Variants in RBFOX1 observed in about 807,000 individuals in gnomAD.
The protein encoded by RBFOX1 is RNA binding protein fox-1 homolog 1.
Under a neutral mutation model 57.7 loss-of-function variants are expected in RBFOX1, and 8 were observed. That is an observed-to-expected ratio of 0.14 (90% CI 0.08 to 0.25). The LOEUF (loss-of-function observed/expected upper bound fraction) is 0.25. RBFOX1 is among the 10% of genes least tolerant of loss of function. The pLI is 1.00. For synonymous variants in RBFOX1, 326 were observed against 222.4 expected, an observed-to-expected ratio of 1.47 and a Z score of -4.15; for missense variants, 611 against 548.5, an observed-to-expected ratio of 1.11 and a Z score of -1.14.
In RBFOX1 at chr16:7,450,892, T is replaced by G. The variant is rs186440328; in HGVS notation, c.28-67255T>G. ...TGAGAGGGTAGGAGAATGGTGAGTT[T>G]CAGGGCATGCATCCACAGCGTAGGT... On this transcript the variant is annotated intron_variant, in intron 4 of 15. Coordinates refer to ENST00000550418, the MANE Select transcript of RBFOX1 (RefSeq NM_018723.4). 4.6e-5 allele frequency among the ~76,000 whole-genome samples: 7 copies of G among 152,214 alleles called. No individual in the cohort carries two copies. The East Asian group carries it at 1.2e-3, about 25-fold the overall frequency.
In RBFOX1 at chr16:7,007,093, G is replaced by T. The variant is rs142201684; in HGVS notation, c.-15-44964G>T. Among the ~76,000 whole-genome samples the T allele has an allele frequency of 6.1e-3, 922 of 152,304 alleles. 10 individuals are homozygous for T. Among genetic ancestry groups the T allele is most frequent in the African/African-American group, 0.021 (868 of 41,558 alleles). ...AGTTTTTCTCAACGCTGATGTCAAT[G>T]GTTGGCTGTATGGACTGATAAGGAG... is the stretch of plus-strand genomic sequence containing the variant. On this transcript the variant is annotated intron_variant, in intron 3 of 15. Coordinates refer to ENST00000550418, the MANE Select transcript of RBFOX1 (RefSeq NM_018723.4).
intron 4 of RBFOX1, among the ~76,000 whole-genome samples, chr16:7,220,312 A>G (rs2092627097): frequency 6.6e-6 from 1 of 152,188 alleles, no homozygotes. Flanking sequence ...CATCATGCTG[A>G]GTGAGATTCC....
At position 6,465,158 on chromosome 16, in the gene RBFOX1, G is replaced by A. The variant is rs79431291; in HGVS notation, c.-64+148101G>A. Among the ~76,000 whole-genome samples the A allele has an allele frequency of 1.9e-3, 282 of 152,290 alleles. 2 individuals carry two copies. The highest frequency in any genetic ancestry group is 6.1e-3 in the African/African-American group (255 of 41,562). On this transcript the variant is annotated intron_variant, in intron 2 of 15. Transcript: ENST00000550418. ...AATCTCCATTTTCTTGTTTCTGTGCGATCAGGTTTTTACCCATGCAAAGTG... is the reference window on the plus strand; with the variant it reads ...AATCTCCATTTTCTTGTTTCTGTGCAATCAGGTTTTTACCCATGCAAAGTG...
At chr16:6,553,974 AT>A (rs1464764412) in intron 2 of RBFOX1, among the ~76,000 whole-genome samples, 2 of 152,212 alleles carry the variant, frequency 1.3e-5, no homozygotes, top group African/African-American at 2.4e-5. Context: ...GGGTTTATTC[AT>A]TTTGGAAACC....
At chr16:7,209,973 A>T (rs1381049212) in intron 4 of RBFOX1, among the ~76,000 whole-genome samples, 1 of 152,094 alleles carries the variant, frequency 6.6e-6, no homozygotes, top group Admixed American at 6.5e-5. Flanking sequence ...CCATTGATTC[A>T]CCTGTGCTTA....
chr16:6,598,119 T>C (rs563839972), intron 2 of RBFOX1, among the ~76,000 whole-genome samples: 16 of 152,344 alleles, frequency 1.1e-4, no homozygotes, highest in Non-Finnish European at 2.2e-4. Flanking sequence ...CCTATACATA[T>C]ACCAATGTAT....
chr16:6,553,513 A>G (rs1402888226), intron 2 of RBFOX1, among the ~76,000 whole-genome samples: 1 of 152,228 alleles, frequency 6.6e-6, no homozygotes, highest in Non-Finnish European at 1.5e-5. Flanking sequence ...ACACAAGTAC[A>G]TGCACCTCAA....
intron 1 of RBFOX1, among the ~76,000 whole-genome samples, chr16:6,157,607 C>A (rs1035082963): frequency 1.3e-5 from 2 of 151,934 alleles, no homozygotes; most frequent in Non-Finnish European, 1.5e-5. Context: ...CTAACTTAAG[C>A]CAAAGAAGTT....
At chr16:7,694,022 T>A (rs938583953) in intron 14 of RBFOX1, among the ~76,000 whole-genome samples, 3 of 152,204 alleles carry the variant, frequency 2.0e-5, no homozygotes, top group Admixed American at 1.3e-4. Context: ...ATAACACCTG[T>A]CTTTTTTCTT....
chr16:6,521,560 C>A (rs1268990754), intron 2 of RBFOX1, among the ~76,000 whole-genome samples: 2 of 147,710 alleles, frequency 1.4e-5, no homozygotes, highest in East Asian at 3.9e-4. Context: ...TTCCCTCGCT[C>A]TCTTTGTCTT....
At chr16:5,488,950 G>A (rs1176867733) in intron 2 of RBFOX1, among the ~76,000 whole-genome samples, 2 of 152,226 alleles carry the variant, frequency 1.3e-5, no homozygotes, top group Non-Finnish European at 2.9e-5. Flanking sequence ...ATTCTGGTAA[G>A]CAGTTTAAAT....
intron 4 of RBFOX1, among the ~76,000 whole-genome samples, chr16:7,072,825 T>C (rs1005430385): frequency 6.6e-6 from 1 of 152,248 alleles, no homozygotes; most frequent in African/African-American, 2.4e-5. Context: ...CCAGTTTTAT[T>C]CCTGGGAGGA....
intron 3 of RBFOX1, among the ~76,000 whole-genome samples, chr16:6,923,924 A>G (rs889721946): frequency 6.6e-6 from 1 of 152,064 alleles, no homozygotes; most frequent in Non-Finnish European, 1.5e-5. Flanking sequence ...TAATCCCAGC[A>G]CTTTGGAGGC....
intron 3 of RBFOX1, among the ~76,000 whole-genome samples, chr16:5,841,394 CCTT>C (rs1337547220): frequency 6.6e-6 from 1 of 152,180 alleles, no homozygotes; most frequent in Non-Finnish European, 1.5e-5. Context: ...TATCCATCAA[CCTT>C]CTTCCTCTCT....
At chr16:7,515,022 C>T (rs1006928236) in intron 4 of RBFOX1, among the ~76,000 whole-genome samples, 2 of 152,096 alleles carry the variant, frequency 1.3e-5, no homozygotes, top group African/African-American at 4.8e-5. Context: ...ACAAGTCTAC[C>T]TTTCACTTCA....
chr16:7,226,286 C>T (rs2093114289), intron 4 of RBFOX1, among the ~76,000 whole-genome samples: 1 of 152,208 alleles, frequency 6.6e-6, no homozygotes, highest in Admixed American at 6.5e-5. Context: ...CTCTCATGAA[C>T]TACAAGCTAC....
chr16:6,742,302 T>C (rs911950511), intron 3 of RBFOX1, among the ~76,000 whole-genome samples: 1 of 152,162 alleles, frequency 6.6e-6, no homozygotes, highest in African/African-American at 2.4e-5. Flanking sequence ...ATACACATGT[T>C]AAACAGGTAA....
intron 2 of RBFOX1, among the ~76,000 whole-genome samples, chr16:6,506,374 A>C (rs1366062574): frequency 6.6e-6 from 1 of 152,068 alleles, no homozygotes; most frequent in East Asian, 1.9e-4. Context: ...AGTATTGAAA[A>C]CAGCTTGGGT....
At chr16:6,989,526 C>T (rs780728425) in intron 3 of RBFOX1, among the ~76,000 whole-genome samples, 19 of 151,996 alleles carry the variant, frequency 1.3e-4, no homozygotes, top group Non-Finnish European at 2.4e-4. Context: ...TATTAGTTGC[C>T]TATCAATTTA....
Sources: allele counts gnomAD v4.1 joint callset (sites outside exome capture counted in the v4.1 genomes callset), GRCh38; gene constraint gnomAD v4.1.1; transcripts MANE v1.5; gene names NCBI Gene and HGNC (gene_info 2026-07-23, HGNC 2026-07-21).